Variants in ZNF516 observed in about 807,000 individuals in gnomAD.
The protein encoded by ZNF516 is zinc finger protein 516.
Under a neutral mutation model 79.7 loss-of-function variants are expected in ZNF516, and 19 were observed. The ratio of observed to expected loss-of-function variants is 0.24; its 90% CI spans 0.17 to 0.35. The LOEUF (loss-of-function observed/expected upper bound fraction) is 0.35. Ranked by LOEUF, ZNF516 falls within the 10% of genes least tolerant of loss-of-function variation. ZNF516 has a pLI of 1.00. For missense variants in ZNF516, 1,678 were observed against 1,679.5 expected (o/e 1.00, Z 0.02); for synonymous variants, 877 against 739.5 (o/e 1.19, Z -3.02).
In ZNF516 at chr18:76,493,959, G is replaced by C. The variant is rs1030820714; in HGVS notation, c.-272+1185C>G. 1 of 152,180 alleles carries C rather than the reference G, an allele frequency of 6.6e-6. No homozygotes were observed. The highest frequency in any genetic ancestry group is 2.4e-5 in the African/African-American group (1 of 41,430). 9.4% of individuals were successfully genotyped at this position (152,180 alleles called of 1,614,324 possible). On this transcript the variant is annotated intron_variant, in intron 1 of 6. Coordinates refer to ENST00000443185, the MANE Select transcript of ZNF516 (RefSeq NM_014643.4). The surrounding 1 kb of genome is among the most constrained non-coding windows in gnomAD (Gnocchi z 5.2). Reference sequence around the variant, plus strand: ...TGATCTTTGCACACCCGGAGACCCGGTGACTCTTTATCAGCGGAATGAGTA... The same window carrying C: ...TGATCTTTGCACACCCGGAGACCCGCTGACTCTTTATCAGCGGAATGAGTA...
rs551248880 is a variant in ZNF516, at chr18:76,379,946, T to C, written c.2168A>G (p.Lys723Arg). 6 of 1,613,966 alleles carry C rather than the reference T, an allele frequency of 3.7e-6. No homozygotes were observed. The highest frequency in any genetic ancestry group is 4.2e-6 in the Non-Finnish European group (5 of 1,179,876). Residue 723 changes from lysine (K) to arginine (R), a missense_variant, in exon 4 of 7, where the codon AAG becomes AGG. Around this residue, in one of 5 missense-constraint regions of ZNF516, gnomAD observed 1,294 missense variants for 1,248.3 expected, o/e 1.04. Coordinates refer to ENST00000443185, the MANE Select transcript of ZNF516 (RefSeq NM_014643.4). ...CATGAGGTCTGGGGCCAGCGCCCGC[T>C]TCCCTCCCCCAGAGTGTTCCTTGTT... ...LHNKEHSGGG[K>R]RALAPDLMPL...
intron 2 of ZNF516, among the ~76,000 whole-genome samples, chr18:76,450,368 G>A (rs1460943080): frequency 9.1e-6 from 1 of 110,380 alleles, no homozygotes; most frequent in East Asian, 2.9e-4. Flanking sequence ...CCCTCCCCAG[G>A]CCCCACAGAA....
At chr18:76,494,573 C>T (rs1248191748) in intron 1 of ZNF516, among the ~76,000 whole-genome samples, 2 of 151,620 alleles carry the variant, frequency 1.3e-5, no homozygotes, top group Non-Finnish European at 2.9e-5. Context: ...AAAAACAAGG[C>T]CACCCCCACC....
At chr18:76,457,850 C>T (rs958997302) in intron 2 of ZNF516, among the ~76,000 whole-genome samples, 4 of 152,204 alleles carry the variant, frequency 2.6e-5, no homozygotes, top group African/African-American at 9.7e-5. Context: ...CATGTCGATC[C>T]AGTCTTGGAA....
intron 3 of ZNF516, among the ~76,000 whole-genome samples, chr18:76,416,856 T>C (rs974434511): frequency 2.0e-5 from 3 of 152,182 alleles, no homozygotes; most frequent in Non-Finnish European, 4.4e-5. Flanking sequence ...CATTTCTCCA[T>C]TGTCCCTCCT....
chr18:76,486,937 C>G (rs1408032185), intron 1 of ZNF516, among the ~76,000 whole-genome samples: 1 of 152,122 alleles, frequency 6.6e-6, no homozygotes, highest in Non-Finnish European at 1.5e-5. Context: ...AGTTAAAATA[C>G]AGTATATGGT....
In ZNF516 at chr18:76,467,004, AG is replaced by A. The variant is rs1454999752; in HGVS notation, c.-271-3864del. ...GTGCAGGCAAAGGGCCCTGGGAGGC[AG>A]GGGGGCCCCAGAGAGGCAAAACCCA... On this transcript the variant is annotated intron_variant, in intron 1 of 6. Transcript: ENST00000443185. This position sits in a 1 kb window ranked among gnomAD's most constrained non-coding sequence, Gnocchi z 4.2. Among the ~76,000 whole-genome samples the A allele has an allele frequency of 6.6e-6, 1 of 152,110 alleles. No homozygotes were observed. The highest frequency in any genetic ancestry group is 1.5e-5 in the Non-Finnish European group (1 of 67,986).
In ZNF516 at chr18:76,361,224, C is replaced by T. The variant is rs1318078232; in HGVS notation, c.*1274G>A. 6.6e-6 allele frequency: 1 copy of T among 152,078 alleles called. No homozygotes were observed. The highest frequency in any genetic ancestry group is 2.4e-5 in the African/African-American group (1 of 41,390). 9.4% of individuals were successfully genotyped at this position (152,078 alleles called of 1,614,324 possible). A position where few individuals can be genotyped will look rare whatever the true frequency, so the allele number is the denominator to read the frequency against. ...AATCTGAAACTCTCAGAAATATTAC[C>T]ATCACACATAGTGTCACGGCAATGG... is the stretch of plus-strand genomic sequence containing the variant. On this transcript the variant is annotated 3_prime_UTR_variant, in exon 7 of 7. Transcript: ENST00000443185.
At chr18:76,491,187 G>A in intron 1 of ZNF516, 3 of 872,454 alleles carry the variant, frequency 3.4e-6, no homozygotes, top group East Asian at 1.2e-4. Context: ...GGCCCCCGGA[G>A]CCCGGTCCAC....
intron 1 of ZNF516, among the ~76,000 whole-genome samples, chr18:76,478,949 G>A (rs544272202): frequency 8.7e-4 from 133 of 152,094 alleles, no homozygotes; most frequent in African/African-American, 3.1e-3. Flanking sequence ...CCAGCTACTC[G>A]GGAGACTGAG....
intron 1 of ZNF516, among the ~76,000 whole-genome samples, chr18:76,488,570 G>T (rs1169403702): frequency 1.3e-5 from 2 of 152,032 alleles, no homozygotes; most frequent in Admixed American, 1.3e-4. Context: ...ATTTTTGAAA[G>T]AACTAATTGA....
chr18:76,488,436 C>G (rs547911328), intron 1 of ZNF516, among the ~76,000 whole-genome samples: 9 of 148,602 alleles, frequency 6.1e-5, no homozygotes, highest in African/African-American at 2.2e-4. Flanking sequence ...TCCAGCTCCC[C>G]GAGCAGTGAA....
chr18:76,394,795 G>A (rs1161357295), intron 3 of ZNF516, among the ~76,000 whole-genome samples: 1 of 53,806 alleles, frequency 1.9e-5, no homozygotes, highest in Non-Finnish European at 3.9e-5. Context: ...GGTGGGGGCA[G>A]GGCGGGTGGT....
At chr18:76,445,113 C>G (rs1489849040) in intron 2 of ZNF516, among the ~76,000 whole-genome samples, 1 of 152,050 alleles carries the variant, frequency 6.6e-6, no homozygotes, top group East Asian at 1.9e-4. Context: ...AACAATTAGC[C>G]AGGCATGATG....
chr18:76,384,274 G>A lies in ZNF516; in HGVS notation c.1811-3971C>T, dbSNP rs1436538552. 1.0e-3 allele frequency among the ~76,000 whole-genome samples: 52 copies of A among 49,876 alleles called. 1 individual carries two copies. The South Asian group carries it at 0.023, about 22-fold the overall frequency. The allele number at this position is 49,876 out of a possible 152,430, so 32.7% of individuals were successfully genotyped here. A position where few individuals can be genotyped will look rare whatever the true frequency, so the allele number is the denominator to read the frequency against. ...CCCGTGCCCCCTCCACGGCCCCCACGCCCCCACCAGGGCCCACACGCCTTC... is the reference window on the plus strand; with the variant it reads ...CCCGTGCCCCCTCCACGGCCCCCACACCCCCACCAGGGCCCACACGCCTTC... On this transcript the variant is annotated intron_variant, in intron 3 of 6. Coordinates refer to ENST00000443185, the MANE Select transcript of ZNF516 (RefSeq NM_014643.4).
chr18:76,453,413 G>A (rs967112970), intron 2 of ZNF516, among the ~76,000 whole-genome samples: 5 of 152,104 alleles, frequency 3.3e-5, no homozygotes, highest in Non-Finnish European at 5.9e-5. Flanking sequence ...CAGATCACTC[G>A]CTATTCATTA....
At chr18:76,428,197 T>C (rs1364301979) in intron 3 of ZNF516, among the ~76,000 whole-genome samples, 1 of 151,604 alleles carries the variant, frequency 6.6e-6, no homozygotes, top group African/African-American at 2.4e-5. Flanking sequence ...ACCAGCCTGG[T>C]CAACACAGTG....
At position 76,442,866 on chromosome 18, in the gene ZNF516, C is replaced by T. The variant is rs1911797456; in HGVS notation, c.189G>A (p.Lys63=). 3 of 1,613,534 alleles carry T rather than the reference C, an allele frequency of 1.9e-6. No homozygotes were observed. The highest frequency in any genetic ancestry group is 2.5e-6 in the Non-Finnish European group (3 of 1,179,778). The change falls in exon 3 of 7, where the codon AAG becomes AAA. Residue 63 remains lysine (K), a synonymous_variant. Transcript: ENST00000443185. ...AAGCCCGGTGGTCGCAGTAGGGACA[C>T]TTGTAGGGCTTCTCGCCCGTGTGCT... ...MRKHTGEKPY[K]CPYCDHRASQ... is the part of the protein sequence containing the mutation.
At chr18:76,440,537 T>G (rs1192898935) in intron 3 of ZNF516, among the ~76,000 whole-genome samples, 1 of 152,186 alleles carries the variant, frequency 6.6e-6, no homozygotes, top group Non-Finnish European at 1.5e-5. Context: ...TGTTTAAAAT[T>G]TATAGAAAGT....
Sources: gnomAD v4.1 joint callset for allele counts (sites outside exome capture counted in the v4.1 genomes callset) on GRCh38, gnomAD v4.1.1 for gene constraint, gnomAD v4.1.1 regional missense constraint, Gnocchi (gnomAD v3.1) non-coding constraint, MANE v1.5 for transcripts, NCBI Gene and HGNC (gene_info 2026-07-23, HGNC 2026-07-21) for gene names.